Variants in TNIK observed in about 807,000 individuals in gnomAD.
TNIK encodes TRAF2 and NCK interacting kinase.
In TNIK, 49 loss-of-function variants were observed where a neutral mutation model predicts 191.3. That is an observed-to-expected ratio of 0.26 (90% CI 0.20 to 0.32). The LOEUF (loss-of-function observed/expected upper bound fraction) is 0.32, where lower values mean the gene tolerates loss of function less well. Among genes scored for constraint, TNIK ranks in the 10% least tolerant of loss-of-function variants. The pLI is 1.00. For missense variants in TNIK, 1,155 were observed against 1,702.3 expected (o/e 0.68, Z 5.66); for synonymous variants, 594 against 600.9 (o/e 0.99, Z 0.17).
intron 1 of TNIK, among the ~76,000 whole-genome samples, chr3:171,396,443 A>G (rs1720265396): frequency 6.6e-6 from 1 of 152,132 alleles, no homozygotes; most frequent in African/African-American, 2.4e-5. Flanking sequence ...GTATAGACAT[A>G]TTTTCATTTC....
At chr3:171,298,107 G>T (rs566478320) in intron 2 of TNIK, among the ~76,000 whole-genome samples, 1 of 152,252 alleles carries the variant, frequency 6.6e-6, no homozygotes, top group South Asian at 2.1e-4. Flanking sequence ...CATTCAATAT[G>T]AACAAGTACA....
At chr3:171,326,809 A>G (rs1338423703) in intron 2 of TNIK, among the ~76,000 whole-genome samples, 1 of 152,214 alleles carries the variant, frequency 6.6e-6, no homozygotes, top group Non-Finnish European at 1.5e-5. Context: ...TTGAGTATTT[A>G]GGATTTGTGC....
chr3:171,236,024 G>A (rs565069529), intron 2 of TNIK, among the ~76,000 whole-genome samples: 132 of 152,168 alleles, frequency 8.7e-4, no homozygotes, highest in African/African-American at 2.9e-3. Context: ...CCCTTAAAAC[G>A]CAGTCCTCCA....
intron 6 of TNIK, among the ~76,000 whole-genome samples, chr3:171,189,427 T>C (rs373846437): frequency 6.6e-6 from 1 of 152,174 alleles, no homozygotes. Flanking sequence ...GCACAAAGAA[T>C]TACATTTGAT....
intron 17 of TNIK, among the ~76,000 whole-genome samples, chr3:171,124,284 A>C (rs1224469573): frequency 1.3e-5 from 2 of 152,180 alleles, no homozygotes; most frequent in African/African-American, 4.8e-5. Flanking sequence ...ACCTACTAAA[A>C]CCAAAAACCA....
chr3:171,344,886 C>T lies in TNIK; in HGVS notation c.123+24734G>A, dbSNP rs1275431654. On this transcript the variant is annotated intron_variant, in intron 2 of 32. Coordinates refer to ENST00000436636, the MANE Select transcript of TNIK (RefSeq NM_015028.4). ...CTCTTTATATTTGCAACACAGTTCT[C>T]ATAAGGACTAAATGATTTAGGAGCT... is the stretch of plus-strand genomic sequence containing the variant. Among the ~76,000 whole-genome samples the T allele has an allele frequency of 2.6e-5, 4 of 152,216 alleles. No individual in the cohort carries two copies. The East Asian group carries it at 7.7e-4, about 29-fold the overall frequency.
At chr3:171,138,477 G>T in intron 14 of TNIK, 98 bp from the exon 15 acceptor site, 1 of 1,137,560 alleles carries the variant, frequency 8.8e-7, no homozygotes, top group South Asian at 2.0e-5. Flanking sequence ...GCAAAATAAT[G>T]CTAAATAACA....
At chr3:171,351,265 G>C (rs867633812) in intron 2 of TNIK, among the ~76,000 whole-genome samples, 19 of 93,222 alleles carry the variant, frequency 2.0e-4, no homozygotes, top group African/African-American at 6.4e-4. Context: ...ATATATATAT[G>C]TATATATGTG....
At chr3:171,375,865 C>A (rs73173629) in intron 1 of TNIK, among the ~76,000 whole-genome samples, 2,436 of 152,244 alleles carry the variant, frequency 0.016, 22 homozygotes, top group South Asian at 0.023. Context: ...ACTCTAGACA[C>A]CCCTCCTCCA....
chr3:171,145,779 C>CTTTTTTT, intron 12 of TNIK, among the ~76,000 whole-genome samples: 1 of 133,402 alleles, frequency 7.5e-6, no homozygotes, highest in Non-Finnish European at 1.6e-5. Flanking sequence ...TCAGTCTTTC[C>CTTTTTTT]TTTTTTTTTT....
chr3:171,347,117 G>T, intron 2 of TNIK: 1 of 1,503,936 alleles, frequency 6.6e-7, no homozygotes, highest in Non-Finnish European at 8.8e-7. Flanking sequence ...TAGGAAATAG[G>T]ATCAGCTGGG....
At chr3:171,110,654 C>G (rs562316679) in intron 19 of TNIK, 60 bp downstream of exon 19, 74 of 1,498,832 alleles carry the variant, frequency 4.9e-5, no homozygotes, top group African/African-American at 1.1e-4. Flanking sequence ...TAACCTTTTT[C>G]CCTGTCCACA....
intron 23 of TNIK, among the ~76,000 whole-genome samples, chr3:171,089,634 C>T (rs1214570502): frequency 1.3e-5 from 2 of 152,164 alleles, no homozygotes; most frequent in African/African-American, 4.8e-5. Context: ...GAGTCATCAC[C>T]CTTTTGTTCA....
At position 171,093,984 on chromosome 3, in the gene TNIK, A is replaced by C; in HGVS notation, c.2592-16T>G. The C allele has an allele frequency of 1.9e-6, 3 of 1,609,182 alleles. No homozygotes were observed. In the South Asian group the frequency reaches 3.4e-5, roughly 18 times the overall value. ...TCCTGTTGGTCTGAGATGAGAAGGA[A>C]CAACATTCATGGCAATGTATCTTTA... On this transcript the variant is annotated splice_polypyrimidine_tract_variant and intron_variant, in intron 22 of 32. Transcript: ENST00000436636.
intron 3 of TNIK, 150 bp from the exon 4 acceptor site, chr3:171,211,391 T>A: frequency 1.1e-6 from 1 of 883,784 alleles, no homozygotes; most frequent in Non-Finnish European, 1.7e-6. Context: ...AGAACAATTC[T>A]AAAACATAAT....
At chr3:171,104,835 C>T (rs979263940) in intron 21 of TNIK, among the ~76,000 whole-genome samples, 4 of 152,134 alleles carry the variant, frequency 2.6e-5, no homozygotes, top group African/African-American at 9.7e-5. Flanking sequence ...TTATTGTTCA[C>T]CTTCCATCCA....
At chr3:171,403,487 G>C (rs138340914) in intron 1 of TNIK, among the ~76,000 whole-genome samples, 2 of 152,000 alleles carry the variant, frequency 1.3e-5, no homozygotes, top group African/African-American at 4.8e-5. Flanking sequence ...GGTGGCACAC[G>C]CCTGTAATCC....
At chr3:171,450,928 A>C (rs1419923793) in intron 1 of TNIK, among the ~76,000 whole-genome samples, 1 of 152,224 alleles carries the variant, frequency 6.6e-6, no homozygotes, top group Non-Finnish European at 1.5e-5. Context: ...TTTTTAAAAA[A>C]TTCAGATAGT....
chr3:171,338,659 G>GTTTT (rs76315440), intron 2 of TNIK, among the ~76,000 whole-genome samples: 1 of 126,816 alleles, frequency 7.9e-6, no homozygotes, highest in Admixed American at 7.9e-5. Flanking sequence ...CAGCTAAGTT[G>GTTTT]TTTTTTTTTT....
Sources: allele counts gnomAD v4.1 joint callset (sites outside exome capture counted in the v4.1 genomes callset), GRCh38; gene constraint gnomAD v4.1.1; transcripts MANE v1.5; gene names NCBI Gene and HGNC (gene_info 2026-07-23, HGNC 2026-07-21).